Variants in MIPOL1 observed in about 807,000 individuals in gnomAD.
The protein encoded by MIPOL1 is mirror-image polydactyly gene 1 protein.
Under a neutral mutation model 60.9 loss-of-function variants are expected in MIPOL1, and 57 were observed. The observed-to-expected ratio is 0.94, with a 90% CI of 0.76 to 1.17. The LOEUF (loss-of-function observed/expected upper bound fraction) is 1.17, where lower values mean the gene tolerates loss of function less well. Ranked by LOEUF, MIPOL1 falls within the 50% of genes most tolerant of loss-of-function variation. MIPOL1 has a pLI of 0.00. For missense variants in MIPOL1, 551 were observed against 511.6 expected (o/e 1.08, Z -0.74); for synonymous variants, 179 against 168.8 (o/e 1.06, Z -0.47).
intron 5 of MIPOL1, 42 bp downstream of exon 5, chr14:37,268,835 G>A (rs779898397): frequency 6.5e-6 from 9 of 1,393,686 alleles, no homozygotes; most frequent in East Asian, 2.6e-5. Flanking sequence ...TATGGGTTTA[G>A]CTGTTGATCT....
At chr14:37,206,215 C>T (rs892319459) in intron 1 of MIPOL1, among the ~76,000 whole-genome samples, 2 of 152,152 alleles carry the variant, frequency 1.3e-5, no homozygotes, top group African/African-American at 4.8e-5. Context: ...GGTCCCCATG[C>T]TATGTCCAAG....
rs1207822492 is a variant in MIPOL1 at position 37,548,059 on chromosome 14, TAGAC to T, written c.*1093_*1096del. 6.6e-6 allele frequency: 1 copy of T among 152,034 alleles called. No homozygotes were observed. Among genetic ancestry groups the T allele is most frequent in the African/African-American group, 2.4e-5 (1 of 41,440 alleles). The allele number at this position is 152,034 out of a possible 1,614,324, so 9.4% of individuals were successfully genotyped here. A position where few individuals can be genotyped will look rare whatever the true frequency, so the allele number is the denominator to read the frequency against. On this transcript the variant is annotated 3_prime_UTR_variant, in exon 13 of 13. Coordinates refer to ENST00000684589, the MANE Select transcript of MIPOL1 (RefSeq NM_001388067.1). ...GCAAAATACTTTCATATTTTTAGATTAGACAGACGAAAGACCAAGAGGAAATGAC... is the reference window on the plus strand; with the variant it reads ...GCAAAATACTTTCATATTTTTAGATTAGACGAAAGACCAAGAGGAAATGAC...
At chr14:37,473,394 G>GTA (rs2094718496) in intron 11 of MIPOL1, among the ~76,000 whole-genome samples, 1 of 151,834 alleles carries the variant, frequency 6.6e-6, no homozygotes, top group Admixed American at 6.6e-5. Flanking sequence ...CCCGCCTCAG[G>GTA]TATTATTTTA....
At chr14:37,335,031 T>G (rs950330523) in intron 9 of MIPOL1, among the ~76,000 whole-genome samples, 9 of 152,082 alleles carry the variant, frequency 5.9e-5, no homozygotes, top group African/African-American at 2.2e-4. Context: ...GTATATACTT[T>G]GAAGTGGAAT....
At chr14:37,384,379 T>G (rs2153513603) in intron 10 of MIPOL1, among the ~76,000 whole-genome samples, 1 of 67,514 alleles carries the variant, frequency 1.5e-5, no homozygotes. Context: ...TCTGAGGAAA[T>G]TTTGGGAAAA....
chr14:37,435,461 A>G (rs1304593459), intron 11 of MIPOL1, among the ~76,000 whole-genome samples: 4 of 151,930 alleles, frequency 2.6e-5, no homozygotes, highest in Non-Finnish European at 5.9e-5. Context: ...ATTTTTTTTC[A>G]TAATAGACAT....
At chr14:37,241,091 A>G (rs933716372) in intron 1 of MIPOL1, among the ~76,000 whole-genome samples, 29 of 152,164 alleles carry the variant, frequency 1.9e-4, no homozygotes, top group Admixed American at 1.6e-3. Context: ...CGAAGGCCTG[A>G]GATCTAGGAG....
At chr14:37,353,727 G>A (rs1361519326) in intron 9 of MIPOL1, among the ~76,000 whole-genome samples, 5 of 152,126 alleles carry the variant, frequency 3.3e-5, no homozygotes, top group Non-Finnish European at 7.3e-5. Flanking sequence ...ATGGTAGTTT[G>A]TATTTCTGTG....
intron 9 of MIPOL1, among the ~76,000 whole-genome samples, chr14:37,338,295 A>G (rs1220746687): frequency 1.4e-5 from 2 of 147,694 alleles, no homozygotes; most frequent in Non-Finnish European, 3.0e-5. Flanking sequence ...TTTTTTTAGT[A>G]CAGACCAGGT....
chr14:37,264,625 C>CA lies in MIPOL1; in HGVS notation c.20-2302dup, dbSNP rs990977863. 6.9e-3 allele frequency among the ~76,000 whole-genome samples: 998 copies of CA among 144,062 alleles called. 9 individuals are homozygous for CA. Among genetic ancestry groups the CA allele is most frequent in the Non-Finnish European group, 9.3e-3 (609 of 65,424 alleles). The allele number at this position is 144,062 out of a possible 152,430, so 94.5% of individuals were successfully genotyped here. A position where few individuals can be genotyped will look rare whatever the true frequency, so the allele number is the denominator to read the frequency against. ...CGTGGGTGACGGAGCGAAACCCTCTCAAAAAAAAAAATTGTGTAGATAGTT... is the reference window on the plus strand; with the variant it reads ...CGTGGGTGACGGAGCGAAACCCTCTCAAAAAAAAAAAATTGTGTAGATAGTT... On this transcript the variant is annotated intron_variant, in intron 3 of 12. Transcript: ENST00000684589.
intron 3 of MIPOL1, among the ~76,000 whole-genome samples, chr14:37,261,002 G>A (rs1017325245): frequency 6.6e-6 from 1 of 151,690 alleles, no homozygotes; most frequent in African/African-American, 2.4e-5. Context: ...TTTCTTTGAC[G>A]GTGAATTTTC....
At chr14:37,361,760 C>G (rs537083732) in intron 9 of MIPOL1, among the ~76,000 whole-genome samples, 2 of 151,700 alleles carry the variant, frequency 1.3e-5, no homozygotes, top group South Asian at 4.2e-4. Context: ...GGCACCCACC[C>G]CCATGCCCAG....
chr14:37,527,663 T>C (rs1052360379), intron 12 of MIPOL1, among the ~76,000 whole-genome samples: 1 of 152,132 alleles, frequency 6.6e-6, no homozygotes, highest in South Asian at 2.1e-4. Context: ...TGAGATAGTC[T>C]TAACTGTATA....
chr14:37,244,410 C>T (rs1377000460), intron 1 of MIPOL1, among the ~76,000 whole-genome samples: 3 of 151,834 alleles, frequency 2.0e-5, no homozygotes, highest in African/African-American at 7.3e-5. Flanking sequence ...CGTGAGCCAC[C>T]ATGCCCCGCC....
chr14:37,332,199 TTTA>T (rs1483557527), intron 9 of MIPOL1, among the ~76,000 whole-genome samples: 1 of 152,170 alleles, frequency 6.6e-6, no homozygotes, highest in Non-Finnish European at 1.5e-5. Context: ...AGGTTTGTCA[TTTA>T]TGGCCTTTGT....
At chr14:37,431,484 CA>C (rs1472528733) in intron 11 of MIPOL1, among the ~76,000 whole-genome samples, 3 of 147,652 alleles carry the variant, frequency 2.0e-5, no homozygotes, top group Non-Finnish European at 4.5e-5. Flanking sequence ...TAGTATTTAA[CA>C]ATACCACATT....
intron 6 of MIPOL1, among the ~76,000 whole-genome samples, chr14:37,271,433 T>C (rs1054055546): frequency 3.9e-5 from 6 of 151,938 alleles, no homozygotes; most frequent in African/African-American, 1.2e-4. Context: ...GAAAGAATTA[T>C]TTTAGGTCAG....
intron 11 of MIPOL1, among the ~76,000 whole-genome samples, chr14:37,473,661 A>C (rs1353770303): frequency 2.0e-5 from 3 of 152,178 alleles, no homozygotes; most frequent in Non-Finnish European, 2.9e-5. Context: ...CCCAGCACAC[A>C]GTTTCCCCTT....
chr14:37,343,401 T>G (rs1346596276), intron 9 of MIPOL1, among the ~76,000 whole-genome samples: 3 of 152,304 alleles, frequency 2.0e-5, no homozygotes, highest in South Asian at 4.1e-4. Flanking sequence ...TGAAAAGGAA[T>G]AAAAACTTCT....
Sources: allele counts gnomAD v4.1 joint callset (sites outside exome capture counted in the v4.1 genomes callset), GRCh38; gene constraint gnomAD v4.1.1; transcripts MANE v1.5; gene names NCBI Gene and HGNC (gene_info 2026-07-23, HGNC 2026-07-21).